SNTA1: variants seen among roughly 807,000 people sequenced by gnomAD.
The protein encoded by SNTA1 is alpha-1-syntrophin.
Under a neutral mutation model 47.1 loss-of-function variants are expected in SNTA1, and 31 were observed. That is an observed-to-expected ratio of 0.66 (90% CI 0.49 to 0.89). The LOEUF (loss-of-function observed/expected upper bound fraction) is 0.89, where lower values mean the gene tolerates loss of function less well. Ranked by LOEUF, SNTA1 falls within the 40% of genes least tolerant of loss-of-function variation. The pLI, the probability that SNTA1 is intolerant of heterozygous loss-of-function variation, is 0.00. For missense variants in SNTA1, 575 were observed against 693.0 expected (o/e 0.83, Z 1.91); for synonymous variants, 300 against 313.6 (o/e 0.96, Z 0.46).
At chr20:33,413,210 G>A (rs1380737475) in intron 3 of SNTA1, among the ~76,000 whole-genome samples, 1 of 151,908 alleles carries the variant, frequency 6.6e-6, no homozygotes, top group African/African-American at 2.4e-5. Context: ...GGCCAGGATG[G>A]TCTCGATCTC....
At chr20:33,423,590 G>A (rs904105314) in intron 2 of SNTA1, among the ~76,000 whole-genome samples, 2 of 152,188 alleles carry the variant, frequency 1.3e-5, no homozygotes, top group Admixed American at 1.3e-4. Context: ...GGGAGCTCCA[G>A]CTCTGCCAAG....
rs1990634455 is a variant in SNTA1 at position 33,443,533 on chromosome 20, G to A, written c.88C>T (p.Arg30Trp). Residue 30 changes from arginine (R) to tryptophan (W), a missense_variant, in exon 1 of 8, where the codon CGG becomes TGG. By Grantham distance (101) the Arg-to-Trp change is moderately radical (BLOSUM62 -3). Transcript: ENST00000217381. Reference protein sequence around the residue: ...GSGAGGERWQRVLLSLAEDVL... With the variant: ...GSGAGGERWQWVLLSLAEDVL... ...TCCTCCGCCAGACTCAGCAGCACCC[G>A]CTGCCATCGCTCGCCGCCGGCCCCC... 4 of 1,346,942 alleles carry A rather than the reference G, an allele frequency of 3.0e-6. No homozygotes were observed. Among genetic ancestry groups the A allele is most frequent in the Admixed American group, 2.7e-5 (1 of 37,672 alleles). 83.4% of individuals were successfully genotyped at this position (1,346,942 alleles called of 1,614,324 possible).
chr20:33,438,769 G>A (rs952682747), intron 2 of SNTA1, 72 bp downstream of exon 2: 24 of 1,305,082 alleles, frequency 1.8e-5, no homozygotes, highest in Non-Finnish European at 2.7e-5. Context: ...GCCTTCTGAG[G>A]CCTGGGGGAG....
chr20:33,410,303 A>G lies in SNTA1; in HGVS notation c.1069T>C (p.Ser357Pro), dbSNP rs773091441. ...RLVHSGPSKGSVPYDAELSFA... is the reference protein window; with the variant it reads ...RLVHSGPSKGPVPYDAELSFA... Reference sequence around the variant, plus strand: ...GAGAGCTCTGCATCGTAGGGCACTGAGCCCTTGGAGGGGCCTGAGTGCACC... The same window carrying G: ...GAGAGCTCTGCATCGTAGGGCACTGGGCCCTTGGAGGGGCCTGAGTGCACC... Residue 357 changes from serine to proline, a missense_variant, in exon 6 of 8, where the codon TCA becomes CCA. Ser to Pro is a moderately conservative substitution (Grantham distance 74). Coordinates refer to ENST00000217381, the MANE Select transcript of SNTA1 (RefSeq NM_003098.3). 2 of 1,609,342 alleles carry G rather than the reference A, an allele frequency of 1.2e-6. No individual in the cohort carries two copies. The highest frequency in any genetic ancestry group is 8.5e-7 in the Non-Finnish European group (1 of 1,178,620).
At chr20:33,428,996 G>A (rs776543412) in intron 2 of SNTA1, among the ~76,000 whole-genome samples, 4 of 151,268 alleles carry the variant, frequency 2.6e-5, no homozygotes, top group Admixed American at 6.6e-5. Context: ...AGCCAAGATC[G>A]TACCACTGCA....
chr20:33,437,409 T>C (rs1229392591), intron 2 of SNTA1, among the ~76,000 whole-genome samples: 6 of 129,278 alleles, frequency 4.6e-5, no homozygotes, highest in Admixed American at 3.5e-4. Flanking sequence ...GCCTGGGTGA[T>C]AGAGCAAGAC....
At chr20:33,435,016 G>T in intron 2 of SNTA1, among the ~76,000 whole-genome samples, 1 of 120,864 alleles carries the variant, frequency 8.3e-6, no homozygotes, top group Non-Finnish European at 1.6e-5. Context: ...TTTTGAGATG[G>T]ATTCTTGCTC....
Position 33,443,500 on chromosome 20 carries a change from T to C in SNTA1, c.121A>G (p.Thr41Ala). The C allele has an allele frequency of 7.2e-7, 1 of 1,379,764 alleles. No individual in the cohort carries two copies. 85.5% of individuals were successfully genotyped at this position (1,379,764 alleles called of 1,614,324 possible). The change falls in exon 1 of 8, where the codon ACC becomes GCC. Residue 41 changes from threonine (T) to alanine (A), a missense_variant. Coordinates refer to ENST00000217381, the MANE Select transcript of SNTA1 (RefSeq NM_003098.3). ...VLLSLAEDVL[T>A]VSPADGDPGP... The stretch of plus-strand genomic sequence containing the variant: ...GGGTCGCCGTCGGCGGGGCTCACGG[T>C]CAGCACGTCCTCCGCCAGACTCAGC...
Position 33,408,003 on chromosome 20 carries a change from A to T in SNTA1, c.*504T>A, listed in dbSNP as rs1384836135. The T allele has an allele frequency of 4.8e-6, 1 of 208,362 alleles. No individual in the cohort carries two copies. Among genetic ancestry groups the T allele is most frequent in the Non-Finnish European group, 9.9e-6 (1 of 101,118 alleles). 12.9% of individuals were successfully genotyped at this position (208,362 alleles called of 1,614,324 possible). A position where few individuals can be genotyped will look rare whatever the true frequency, so the allele number is the denominator to read the frequency against. ...TGCTCACAGGCTGTTTATTTATCCA[A>T]GAGTAAGGAGGAGAGAGACAGGATG... On this transcript the variant is annotated 3_prime_UTR_variant, in exon 8 of 8. Transcript: ENST00000217381.
rs1990513889 is a variant in SNTA1 at position 33,439,002 on chromosome 20, A to G, written c.335T>C (p.Ile112Thr). The G allele has an allele frequency of 6.2e-7, 1 of 1,614,058 alleles. No homozygotes were observed. Reference sequence around the variant, plus strand: ...TCCCTTGAAGATCTTGGAAATGAGAATAGGCATCTTGTTCTCCCGGCCGCC... The same window carrying G: ...TCCCTTGAAGATCTTGGAAATGAGAGTAGGCATCTTGTTCTCCCGGCCGCC... Reference protein sequence around the residue: ...IKGGRENKMPILISKIFKGLA... With the variant: ...IKGGRENKMPTLISKIFKGLA... The change falls in exon 2 of 8, where the codon ATT becomes ACT. Residue 112 changes from isoleucine (I) to threonine (T), a missense_variant. Transcript: ENST00000217381.
At chr20:33,439,846 G>A (rs1239930938) in intron 1 of SNTA1, among the ~76,000 whole-genome samples, 1 of 151,940 alleles carries the variant, frequency 6.6e-6, no homozygotes, top group African/African-American at 2.4e-5. Flanking sequence ...AGGGCCAGGT[G>A]CGGTGGCTTA....
At chr20:33,428,936 G>A (rs532993189) in intron 2 of SNTA1, among the ~76,000 whole-genome samples, 1 of 152,018 alleles carries the variant, frequency 6.6e-6, no homozygotes, top group African/African-American at 2.4e-5. Flanking sequence ...AGCTACTTGG[G>A]AGGCTGAGGC....
At chr20:33,411,890 C>G (rs1233607303) in intron 5 of SNTA1, among the ~76,000 whole-genome samples, 1 of 152,204 alleles carries the variant, frequency 6.6e-6, no homozygotes, top group Non-Finnish European at 1.5e-5. Context: ...CAAAGTCCAG[C>G]TCAAATGTCA....
At chr20:33,434,343 C>G (rs1990381031) in intron 2 of SNTA1, among the ~76,000 whole-genome samples, 1 of 152,166 alleles carries the variant, frequency 6.6e-6, no homozygotes, top group African/African-American at 2.4e-5. Flanking sequence ...CTCCTCCCCT[C>G]TTTGTGCTAT....
chr20:33,412,958 G>T (rs946212613), intron 3 of SNTA1, among the ~76,000 whole-genome samples, 176 bp from the exon 4 acceptor site: 4 of 152,122 alleles, frequency 2.6e-5, no homozygotes, highest in African/African-American at 9.7e-5. Flanking sequence ...GCTTCATGGG[G>T]CATAGGAACA....
rs1422914633 is a variant in SNTA1, at chr20:33,408,959, C to A, written c.1238-71G>T. On this transcript the variant is annotated intron_variant, in intron 6 of 7. Transcript: ENST00000217381. ...ACTACACCCCAACCTCCAACCCCCA[C>A]CGCAGCTTACAAAGTGGGGCCTGAA... 2.9e-6 allele frequency: 4 copies of A among 1,394,068 alleles called. No individual in the cohort carries two copies. In the South Asian group the frequency reaches 3.5e-5, roughly 12 times the overall value. 86.4% of individuals were successfully genotyped at this position (1,394,068 alleles called of 1,614,324 possible).
chr20:33,433,008 C>T (rs575291863), intron 2 of SNTA1, among the ~76,000 whole-genome samples: 12 of 152,148 alleles, frequency 7.9e-5, no homozygotes, highest in African/African-American at 1.2e-4. Flanking sequence ...TGGCTCACTG[C>T]GACATCCACC....
intron 5 of SNTA1, 103 bp downstream of exon 5, chr20:33,412,193 A>C: frequency 3.1e-6 from 4 of 1,286,194 alleles, no homozygotes; most frequent in Non-Finnish European, 4.3e-6. Context: ...CACCTGGGGA[A>C]TAGCTGAGGG....
chr20:33,440,931 G>A (rs1269851692), intron 1 of SNTA1, among the ~76,000 whole-genome samples: 1 of 152,198 alleles, frequency 6.6e-6, no homozygotes, highest in Non-Finnish European at 1.5e-5. Context: ...CAATCATAAT[G>A]TTTTACAATC....
Sources: gnomAD v4.1 joint callset for allele counts (sites outside exome capture counted in the v4.1 genomes callset) on GRCh38, gnomAD v4.1.1 for gene constraint, MANE v1.5 for transcripts, NCBI Gene and HGNC (gene_info 2026-07-23, HGNC 2026-07-21) for gene names.